WDFY4: variants seen among roughly 807,000 people sequenced by gnomAD.
WDFY4 encodes the protein WDFY family member 4, also known as WD repeat- and FYVE domain-containing protein 4.
In WDFY4, 169 loss-of-function variants were observed where a neutral mutation model predicts 351.9. That is an observed-to-expected ratio of 0.48 (90% CI 0.42 to 0.55). The LOEUF is 0.55. WDFY4 is among the 20% of genes least tolerant of loss of function. WDFY4 has a pLI of 0.00. For synonymous variants in WDFY4, 1,622 were observed against 1,574.6 expected (o/e 1.03, Z -0.71); for missense variants, 3,803 against 3,935.6 (o/e 0.97, Z 0.90).
At chr10:48,885,458 T>G (rs1296275402) in intron 43 of WDFY4, among the ~76,000 whole-genome samples, 6 of 152,224 alleles carry the variant, frequency 3.9e-5, no homozygotes, top group Admixed American at 3.9e-4. Flanking sequence ...ATTTCACTGG[T>G]GCAACCAAAC....
Position 48,755,624 on chromosome 10 carries a change from T to C in WDFY4, c.2460-4723T>C, listed in dbSNP as rs111546896. Among the ~76,000 whole-genome samples, 614 of 152,294 alleles carry C rather than the reference T, an allele frequency of 4.0e-3. 2 individuals are homozygous for C. Among genetic ancestry groups the C allele is most frequent in the African/African-American group, 0.014 (570 of 41,582 alleles). ...TGCCATTAGTTGAAAATATTATCTT[T>C]TTTTCCATTGAATTGTCTTTATAAC... is the stretch of plus-strand genomic sequence containing the variant. On this transcript the variant is annotated intron_variant, in intron 12 of 61. Coordinates refer to ENST00000325239, the MANE Select transcript of WDFY4 (RefSeq NM_001394531.1).
intron 47 of WDFY4, chr10:48,910,786 C>T: frequency 3.0e-6 from 1 of 332,226 alleles, no homozygotes; most frequent in Non-Finnish European, 4.3e-6. Context: ...GCCAGCCAAG[C>T]AGTTGGCAGC....
At chr10:48,746,489 T>A (rs1409813252) in intron 12 of WDFY4, among the ~76,000 whole-genome samples, 1 of 152,174 alleles carries the variant, frequency 6.6e-6, no homozygotes, top group Non-Finnish European at 1.5e-5. Flanking sequence ...ACCACTTTTG[T>A]TGGTTTTACT....
chr10:48,817,132 T>A, intron 31 of WDFY4, 113 bp from the exon 32 acceptor site: 1 of 1,242,430 alleles, frequency 8.0e-7, no homozygotes, highest in Non-Finnish European at 1.1e-6. Context: ...TTAAATAATG[T>A]ATCTTGTTGA....
At chr10:48,978,127 T>C (rs1842654706) in intron 59 of WDFY4, among the ~76,000 whole-genome samples, 182 bp from the exon 60 acceptor site, 1 of 152,126 alleles carries the variant, frequency 6.6e-6, no homozygotes, top group Non-Finnish European at 1.5e-5. Context: ...AACCTCTGCA[T>C]GAGGAAGCTG....
chr10:48,749,834 C>T (rs1219256735), intron 12 of WDFY4, among the ~76,000 whole-genome samples: 1 of 152,204 alleles, frequency 6.6e-6, no homozygotes, highest in Non-Finnish European at 1.5e-5. Context: ...CAGCCCTGCT[C>T]CTTCTTGCTT....
chr10:48,883,921 G>A (rs2070355771), intron 43 of WDFY4: 1 of 152,190 alleles, frequency 6.6e-6, no homozygotes, highest in African/African-American at 2.4e-5. Context: ...ATGATTCCCA[G>A]GACTACAAAC....
At position 48,830,879 on chromosome 10, in the gene WDFY4, T is replaced by C. The variant is rs1204465270; in HGVS notation, c.6520T>C (p.Tyr2174His). 6.4e-7 allele frequency: 1 copy of C among 1,551,052 alleles called. No homozygotes were observed. Among genetic ancestry groups the C allele is most frequent in the South Asian group, 1.2e-5 (1 of 84,020 alleles). Residue 2174 changes from tyrosine to histidine, a missense_variant, in exon 38 of 62, where the codon TAC becomes CAC. Coordinates refer to ENST00000325239, the MANE Select transcript of WDFY4 (RefSeq NM_001394531.1). ...EETMLKAWQHYLASEKKSLAS... is the reference protein window; with the variant it reads ...EETMLKAWQHHLASEKKSLAS... ...GACGATGCTCAAGGCCTGGCAGCAT[T>C]ACTTAGGTCTCTATCCACTCGGCTC...
intron 9 of WDFY4, among the ~76,000 whole-genome samples, chr10:48,733,367 C>G (rs1417849815): frequency 6.6e-6 from 1 of 152,200 alleles, no homozygotes; most frequent in Non-Finnish European, 1.5e-5. Context: ...AGGCACTTTG[C>G]TGGCATGGGG....
chr10:48,918,155 A>T lies in WDFY4; in HGVS notation c.7586+16292A>T. ...AACAGTTTAAAAATTCAAATAATACAAAGAAGGCAGGAAAAGGGAACAGAA... is the reference window on the plus strand; with the variant it reads ...AACAGTTTAAAAATTCAAATAATACTAAGAAGGCAGGAAAAGGGAACAGAA... On this transcript the variant is annotated intron_variant, in intron 47 of 61. Coordinates refer to ENST00000325239, the MANE Select transcript of WDFY4 (RefSeq NM_001394531.1). Among the ~76,000 whole-genome samples the T allele has an allele frequency of 1.3e-5, 2 of 152,220 alleles. 1 individual carries two copies.
chr10:48,714,853 T>C (rs2063857864), intron 2 of WDFY4, among the ~76,000 whole-genome samples: 1 of 152,200 alleles, frequency 6.6e-6, no homozygotes, highest in African/African-American at 2.4e-5. Flanking sequence ...TGTGGTAGAT[T>C]AGAGGTGCTG....
At chr10:48,775,216 A>G (rs1466231274) in intron 14 of WDFY4, among the ~76,000 whole-genome samples, 1 of 152,002 alleles carries the variant, frequency 6.6e-6, no homozygotes, top group Non-Finnish European at 1.5e-5. Context: ...GTGGAAGACA[A>G]GAGAGCAGAG....
At chr10:48,795,526 TATATATATACACAC>T (rs1209348947) in intron 23 of WDFY4, among the ~76,000 whole-genome samples, 33 of 90,992 alleles carry the variant, frequency 3.6e-4, no homozygotes, top group South Asian at 1.9e-3. Flanking sequence ...TATATATACA[TATATATATACACAC>T]ACATGAATAG....
At chr10:48,759,961 G>C (rs985816079) in intron 12 of WDFY4, among the ~76,000 whole-genome samples, 2 of 152,070 alleles carry the variant, frequency 1.3e-5, no homozygotes, top group East Asian at 3.9e-4. Flanking sequence ...CCATTTTGAA[G>C]GGACCCAGAA....
intron 2 of WDFY4, among the ~76,000 whole-genome samples, chr10:48,715,994 G>A (rs1268859359): frequency 6.6e-6 from 1 of 151,994 alleles, no homozygotes; most frequent in Non-Finnish European, 1.5e-5. Flanking sequence ...GACAGTAAGG[G>A]TAAGCCCTCC....
At chr10:48,840,481 T>C (rs2068564715) in intron 39 of WDFY4, among the ~76,000 whole-genome samples, 1 of 150,654 alleles carries the variant, frequency 6.6e-6, no homozygotes, top group African/African-American at 2.4e-5. Flanking sequence ...ACCCCCACTC[T>C]CTTTCTCTCT....
chr10:48,942,255 G>A (rs1441552188), intron 48 of WDFY4, among the ~76,000 whole-genome samples: 1 of 152,242 alleles, frequency 6.6e-6, no homozygotes, highest in Non-Finnish European at 1.5e-5. Flanking sequence ...ATGAGCCACT[G>A]TGCCCAGCTG....
In WDFY4 at chr10:48,816,645, T is replaced by C. The variant is rs72795279; in HGVS notation, c.5341-600T>C. ...ATCTGTTACCTGTTTAATCAATTAATGTTATTCAAAATAAAGCAAACAAAA... is the reference window on the plus strand; with the variant it reads ...ATCTGTTACCTGTTTAATCAATTAACGTTATTCAAAATAAAGCAAACAAAA... On this transcript the variant is annotated intron_variant, in intron 31 of 61. Coordinates refer to ENST00000325239, the MANE Select transcript of WDFY4 (RefSeq NM_001394531.1). 7.3e-3 allele frequency among the ~76,000 whole-genome samples: 1,105 copies of C among 152,346 alleles called. 4 individuals are homozygous for C. Among genetic ancestry groups the C allele is most frequent in the Non-Finnish European group, 0.012 (815 of 68,028 alleles).
At chr10:48,929,299 A>C (rs946955696) in intron 47 of WDFY4, among the ~76,000 whole-genome samples, 1 of 152,126 alleles carries the variant, frequency 6.6e-6, no homozygotes, top group Non-Finnish European at 1.5e-5. Context: ...AATAAAAGAT[A>C]ATAAAGAGGA....
Sources: allele counts gnomAD v4.1 joint callset (sites outside exome capture counted in the v4.1 genomes callset), GRCh38; gene constraint gnomAD v4.1.1; transcripts MANE v1.5; gene names NCBI Gene and HGNC (gene_info 2026-07-23, HGNC 2026-07-21).